TAF9: variants seen among roughly 807,000 people sequenced by gnomAD.
TAF9 encodes the protein TATA-box binding protein associated factor 9.
In TAF9, 10 loss-of-function variants were observed where a neutral mutation model predicts 16.5. That is an observed-to-expected ratio of 0.61 (90% CI 0.37 to 1.03). TAF9 has a LOEUF of 1.03. Ranked by LOEUF, TAF9 falls within the 50% of genes least tolerant of loss-of-function variation. The pLI is 0.01. For synonymous variants in TAF9, 105 were observed against 120.5 expected (o/e 0.87, Z 0.84); for missense variants, 288 against 319.1 (o/e 0.90, Z 0.74).
chr5:69,366,046 C>T (rs1359434303), intron 2 of TAF9, among the ~76,000 whole-genome samples: 1 of 152,186 alleles, frequency 6.6e-6, no homozygotes, highest in East Asian at 1.9e-4. Flanking sequence ...CAATGATCAT[C>T]TTAGAATATA....
rs1306407952 is a variant in TAF9, at chr5:69,364,822, C to A, written c.*121G>T. ...TCATTTCAATTGAAAAGTATGGTAA[C>A]TGTGTTTACTCATTATTATTAGTTT... On this transcript the variant is annotated 3_prime_UTR_variant, in exon 3 of 3. Transcript: ENST00000217893. 5.8e-6 allele frequency: 5 copies of A among 868,376 alleles called. No homozygotes were observed. The highest frequency in any genetic ancestry group is 9.0e-6 in the Non-Finnish European group (5 of 557,764). 53.8% of individuals were successfully genotyped at this position (868,376 alleles called of 1,614,324 possible).
At chr5:69,367,192 G>A (rs1395881798) in intron 1 of TAF9, among the ~76,000 whole-genome samples, 1 of 152,072 alleles carries the variant, frequency 6.6e-6, no homozygotes, top group East Asian at 1.9e-4. Context: ...ACTGCCTGCT[G>A]CTACCGGGGA....
In TAF9 at chr5:69,365,708, C is replaced by G; in HGVS notation, c.30G>C (p.Lys10Asn). Residue 10 changes from lysine (K) to asparagine (N), a missense_variant, in exon 3 of 3, where the codon AAG becomes AAC. Transcript: ENST00000217893. ...TCATCTGTGCATCTTTCGGCATGCTCTTGGGAGAAGCCGTCTTGCCAGACT... is the reference window on the plus strand; with the variant it reads ...TCATCTGTGCATCTTTCGGCATGCTGTTGGGAGAAGCCGTCTTGCCAGACT... MESGKTASP[K>N]SMPKDAQMMA... 6.4e-7 allele frequency: 1 copy of G among 1,570,252 alleles called. No individual in the cohort carries two copies. Among genetic ancestry groups the G allele is most frequent in the Non-Finnish European group, 8.6e-7 (1 of 1,157,114 alleles).
chr5:69,366,639 T>C, intron 1 of TAF9, 44 bp from the exon 2 acceptor site: 1 of 1,346,970 alleles, frequency 7.4e-7, no homozygotes, highest in East Asian at 2.3e-5. Context: ...GAAATACTAC[T>C]TATCACACTG....
intron 1 of TAF9, chr5:69,366,938 C>T (rs532945846): frequency 7.4e-4 from 171 of 229,554 alleles, no homozygotes; most frequent in African/African-American, 3.6e-3. Flanking sequence ...TTTGTATTTT[C>T]AGTAGAGACC....
intron 1 of TAF9, chr5:69,367,900 C>A (rs1055369849): frequency 1.9e-4 from 29 of 152,320 alleles, no homozygotes; most frequent in African/African-American, 7.0e-4. Context: ...TGTGGTGGCT[C>A]GCGCGTGTAA....
chr5:69,369,438 G>C (rs1169320718), intron 1 of TAF9, 25 bp downstream of exon 1: 1 of 1,608,814 alleles, frequency 6.2e-7, no homozygotes, highest in African/African-American at 1.3e-5. Context: ...CCCCAGCCCA[G>C]TCCCTCCCGG....
chr5:69,366,544 G>T lies in TAF9; in HGVS notation c.-59C>A. ...ACCCACATTAATGTATTTCAGTCCT[G>T]ATTTTGACGCAAGTTCTTTGCCTAG... On this transcript the variant is annotated 5_prime_UTR_variant, in exon 2 of 3. The change creates a premature stop within an existing upstream ORF in the 5' untranslated region. Transcript: ENST00000217893. 1 of 1,613,922 alleles carries T rather than the reference G, an allele frequency of 6.2e-7. No individual in the cohort carries two copies. The highest frequency in any genetic ancestry group is 8.5e-7 in the Non-Finnish European group (1 of 1,179,988).
chr5:69,369,674 A>C, upstream of TAF9: 1 of 1,556,132 alleles, frequency 6.4e-7, no homozygotes, highest in South Asian at 1.2e-5. Context: ...TCGATGACAC[A>C]TTTCCGTCGC....
At chr5:69,369,386 C>G (rs1762743161) in intron 1 of TAF9, 77 bp downstream of exon 1, 6 of 1,540,446 alleles carry the variant, frequency 3.9e-6, no homozygotes, top group Non-Finnish European at 5.3e-6. Context: ...GGGGCCCCCA[C>G]CTGGGCGCCC....
chr5:69,369,240 C>CCCCCGCG, intron 1 of TAF9: 1 of 227,000 alleles, frequency 4.4e-6, no homozygotes, highest in South Asian at 1.4e-4. Context: ...CCCCCCGCCC[C>CCCCCGCG]CCCCCGGAGC....
intron 2 of TAF9, 111 bp from the exon 3 acceptor site, chr5:69,365,865 A>C: frequency 2.7e-6 from 2 of 730,114 alleles, no homozygotes; most frequent in Non-Finnish European, 4.0e-6. Flanking sequence ...ACTGTAAAAA[A>C]ATTTTTAAAA....
chr5:69,366,120 A>G (rs936379449), intron 2 of TAF9, among the ~76,000 whole-genome samples: 4 of 152,208 alleles, frequency 2.6e-5, no homozygotes, highest in Admixed American at 6.5e-5. Flanking sequence ...CCCACACCTG[A>G]GCTCAAAACA....
intron 1 of TAF9, 177 bp from the exon 2 acceptor site, chr5:69,366,772 T>G (rs913002553): frequency 3.4e-6 from 2 of 592,200 alleles, no homozygotes; most frequent in Non-Finnish European, 6.0e-6. Context: ...AAAATTTTTT[T>G]TTTGAGACAG....
chr5:69,367,019 A>G (rs912950319), intron 1 of TAF9, among the ~76,000 whole-genome samples: 1 of 151,938 alleles, frequency 6.6e-6, no homozygotes, highest in Admixed American at 6.6e-5. Flanking sequence ...TCGGCCTCCT[A>G]AAGTGCTGGG....
intron 1 of TAF9, chr5:69,369,260 A>C: frequency 2.0e-5 from 2 of 98,596 alleles, no homozygotes; most frequent in South Asian, 2.4e-4. Context: ...CCTCAGGCCA[A>C]CGGAATTAAC....
rs1163925967 is a variant in TAF9 at position 69,369,469 on chromosome 5, G to A, written c.-117C>T. ...CCCGGCCGCGCGCCCTGACCGGTGA[G>A]CAGGATGTTCGGAAGCAACATGGTC... On this transcript the variant is annotated 5_prime_UTR_variant, in exon 1 of 3. Transcript: ENST00000217893. The A allele has an allele frequency of 6.2e-7, 1 of 1,611,268 alleles. No individual in the cohort carries two copies. Among genetic ancestry groups the A allele is most frequent in the Non-Finnish European group, 8.5e-7 (1 of 1,179,324 alleles).
intron 2 of TAF9, 31 bp from the exon 3 acceptor site, chr5:69,365,785 T>A: frequency 7.1e-7 from 1 of 1,412,540 alleles, no homozygotes; most frequent in Non-Finnish European, 9.5e-7. Flanking sequence ...ATATGTACAT[T>A]AGATCAATCT....
intron 2 of TAF9, 75 bp downstream of exon 2, chr5:69,366,428 T>C: frequency 8.8e-7 from 1 of 1,132,020 alleles, no homozygotes. Context: ...CCTATGACAA[T>C]ACCCAGCACT....
Sources: gnomAD v4.1 joint callset for allele counts (sites outside exome capture counted in the v4.1 genomes callset) on GRCh38, gnomAD v4.1.1 for gene constraint, MANE v1.5 for transcripts, NCBI Gene and HGNC (gene_info 2026-07-23, HGNC 2026-07-21) for gene names.